DLC1: variants seen among roughly 807,000 people sequenced by gnomAD.
DLC1 encodes the protein rho GTPase-activating protein 7.
DLC1 carries 54 observed loss-of-function variants against 140.3 expected under a neutral mutation model. The observed-to-expected ratio is 0.38, with a 90% confidence interval of 0.31 to 0.48. The LOEUF is 0.48. DLC1 is among the 20% of genes least tolerant of loss of function. The probability of loss-of-function intolerance (pLI) is 0.96; values close to 1 mark genes in which losing one functional copy is unlikely to be tolerated. For synonymous variants in DLC1, 986 were observed against 728.1 expected (o/e 1.35, Z -5.70); for missense variants, 2,536 against 1,907.0 (o/e 1.33, Z -6.14).
chr8:13,389,580 A>G (rs113888894), intron 4 of DLC1, among the ~76,000 whole-genome samples: 2,533 of 152,220 alleles, frequency 0.017, 100 homozygotes, highest in African/African-American at 0.057. Flanking sequence ...TTTTTATGAA[A>G]TATACCTCAG....
chr8:13,447,742 T>A (rs773464075), intron 2 of DLC1, among the ~76,000 whole-genome samples: 11 of 152,240 alleles, frequency 7.2e-5, no homozygotes, highest in Non-Finnish European at 1.5e-4. Flanking sequence ...GCTTCTATGC[T>A]GGAGTATGAG....
chr8:13,399,784 C>A (rs1378685037), intron 3 of DLC1, among the ~76,000 whole-genome samples: 1 of 152,108 alleles, frequency 6.6e-6, no homozygotes, highest in East Asian at 1.9e-4. Context: ...CTATATTATT[C>A]TTGATAATTT....
chr8:13,374,953 A>G (rs906707734), intron 4 of DLC1, among the ~76,000 whole-genome samples: 2 of 152,016 alleles, frequency 1.3e-5, no homozygotes, highest in Admixed American at 6.6e-5. Flanking sequence ...TTCTCTTTGA[A>G]GCAATTGTGA....
At chr8:13,190,745 G>A (rs1247463743) in intron 5 of DLC1, among the ~76,000 whole-genome samples, 1 of 152,124 alleles carries the variant, frequency 6.6e-6, no homozygotes, top group African/African-American at 2.4e-5. Flanking sequence ...AGAGGCGTGG[G>A]CCCGAGAGGT....
intron 5 of DLC1, among the ~76,000 whole-genome samples, chr8:13,194,640 C>T (rs1025169401): frequency 9.2e-5 from 14 of 152,298 alleles, no homozygotes; most frequent in African/African-American, 2.4e-4. Flanking sequence ...TTAAAAATAA[C>T]AGAACTAAGT....
intron 10 of DLC1, chr8:13,095,500 C>T (rs1214379585): frequency 4.1e-6 from 2 of 492,060 alleles, no homozygotes; most frequent in Non-Finnish European, 7.4e-6. Flanking sequence ...ATCATCCAGA[C>T]AGTTCTCCTG....
chr8:13,513,439 T>C (rs1180399095), intron 1 of DLC1, among the ~76,000 whole-genome samples: 1 of 152,140 alleles, frequency 6.6e-6, no homozygotes, highest in African/African-American at 2.4e-5. Flanking sequence ...ATAGCTAATA[T>C]AGCAGATGGT....
At chr8:13,252,162 T>C (rs969360117) in intron 5 of DLC1, among the ~76,000 whole-genome samples, 1 of 152,154 alleles carries the variant, frequency 6.6e-6, no homozygotes, top group Non-Finnish European at 1.5e-5. Flanking sequence ...TTAAATTAAA[T>C]AAAAAGTCCT....
chr8:13,457,762 A>C (rs1051623543), intron 2 of DLC1, among the ~76,000 whole-genome samples: 4 of 151,692 alleles, frequency 2.6e-5, no homozygotes, highest in Non-Finnish European at 5.9e-5. Context: ...TCAATGATGC[A>C]ATTTAGCAGC....
chr8:13,202,813 A>G (rs914270296), intron 5 of DLC1, among the ~76,000 whole-genome samples: 1 of 152,006 alleles, frequency 6.6e-6, no homozygotes, highest in Non-Finnish European at 1.5e-5. Context: ...AGCTGGGACT[A>G]CAGGCATGCA....
At chr8:13,420,156 A>G (rs545484969) in intron 2 of DLC1, among the ~76,000 whole-genome samples, 4 of 152,150 alleles carry the variant, frequency 2.6e-5, no homozygotes, top group Non-Finnish European at 5.9e-5. Context: ...AATCCTTTCA[A>G]AAAACCAGCT....
intron 5 of DLC1, among the ~76,000 whole-genome samples, chr8:13,245,615 C>T (rs1462491120): frequency 6.6e-6 from 1 of 152,104 alleles, no homozygotes; most frequent in Non-Finnish European, 1.5e-5. Context: ...TAGGGAAATC[C>T]ACGTTAAGAT....
At chr8:13,273,968 G>C (rs1339944493) in intron 5 of DLC1, among the ~76,000 whole-genome samples, 1 of 152,040 alleles carries the variant, frequency 6.6e-6, no homozygotes, top group African/African-American at 2.4e-5. Context: ...TTCTCTTCCA[G>C]AGACTTAAAA....
chr8:13,303,583 C>G (rs1423874364), intron 5 of DLC1, among the ~76,000 whole-genome samples: 4 of 152,128 alleles, frequency 2.6e-5, no homozygotes, highest in African/African-American at 9.7e-5. Context: ...GGGCGGATCA[C>G]CTGAGCTCAG....
intron 1 of DLC1, among the ~76,000 whole-genome samples, chr8:13,545,546 C>G (rs529872346): frequency 1.3e-5 from 2 of 152,166 alleles, no homozygotes; most frequent in Non-Finnish European, 1.5e-5. Context: ...TTATTCTCTG[C>G]TCAGTCAATT....
intron 1 of DLC1, among the ~76,000 whole-genome samples, chr8:13,601,426 A>C (rs1805879866): frequency 2.0e-5 from 3 of 151,776 alleles, no homozygotes; most frequent in Non-Finnish European, 4.4e-5. Flanking sequence ...GTGTTTCAGC[A>C]TGCAAGCCAT....
At chr8:13,336,277 C>A (rs11986807) in intron 4 of DLC1, among the ~76,000 whole-genome samples, 1,591 of 151,976 alleles carry the variant, frequency 0.01, 28 homozygotes, top group African/African-American at 0.036. Flanking sequence ...AAGTGCTTGA[C>A]CCCAAGACAC....
At chr8:13,426,734 A>G in intron 2 of DLC1, among the ~76,000 whole-genome samples, 1 of 151,988 alleles carries the variant, frequency 6.6e-6, no homozygotes, top group East Asian at 1.9e-4. Context: ...TGTTCTTCAT[A>G]TTTCCTCAGG....
chr8:13,107,088 C>A (rs979423682), intron 7 of DLC1, among the ~76,000 whole-genome samples: 1 of 152,232 alleles, frequency 6.6e-6, no homozygotes, highest in Non-Finnish European at 1.5e-5. Flanking sequence ...AAAGCCGTTT[C>A]TCCAAGGGAA....
Sources: gnomAD v4.1 joint callset for allele counts (sites outside exome capture counted in the v4.1 genomes callset) on GRCh38, gnomAD v4.1.1 for gene constraint, MANE v1.5 for transcripts, NCBI Gene and HGNC (gene_info 2026-07-23, HGNC 2026-07-21) for gene names.